The following MATN2 variants were observed in gnomAD, a reference collection of about 807,000 sequenced individuals.
The protein encoded by MATN2 is matrilin-2.
A neutral mutation model predicts 103.2 loss-of-function variants in MATN2; 69 were observed. The observed-to-expected ratio is 0.67, with a 90% CI of 0.55 to 0.82. The LOEUF (loss-of-function observed/expected upper bound fraction) is 0.82. Ranked by LOEUF, MATN2 falls within the 40% of genes least tolerant of loss-of-function variation. The pLI is 0.00. For synonymous variants in MATN2, 429 were observed against 450.2 expected (o/e 0.95, Z 0.60); for missense variants, 1,023 against 1,211.5 (o/e 0.84, Z 2.31).
At chr8:98,016,425 A>T in intron 10 of MATN2, 115 bp from the exon 11 acceptor site, 1 of 902,720 alleles carries the variant, frequency 1.1e-6, no homozygotes, top group Non-Finnish European at 1.7e-6. Context: ...TGTGTACTGT[A>T]GGATAAGGCA....
rs180672805 is a variant in MATN2, at chr8:97,991,896, T to G, written c.1082-2584T>G. On this transcript the variant is annotated intron_variant, in intron 6 of 18. Transcript: ENST00000254898. ...AATTGTTATTTCATTTTAATCAATT[T>G]TAATTTAAATAGACATATTAGGCAG... 3.1e-3 allele frequency among the ~76,000 whole-genome samples: 469 copies of G among 152,232 alleles called. 4 individuals are homozygous for G. Among genetic ancestry groups the G allele is most frequent in the African/African-American group, 0.01 (418 of 41,532 alleles).
chr8:98,016,699 C>A, intron 11 of MATN2, 37 bp downstream of exon 11: 1 of 1,601,048 alleles, frequency 6.2e-7, no homozygotes, highest in African/African-American at 1.3e-5. Context: ...ACTACTATGC[C>A]AGACCACTGT....
intron 6 of MATN2, among the ~76,000 whole-genome samples, chr8:97,994,278 G>C (rs955033230): frequency 5.0e-5 from 5 of 100,610 alleles, no homozygotes; most frequent in Non-Finnish European, 2.2e-5. Context: ...GGAGAAGAAG[G>C]AAAGAAGGAG....
At chr8:97,954,595 G>T (rs1811082338) in intron 4 of MATN2, among the ~76,000 whole-genome samples, 1 of 152,208 alleles carries the variant, frequency 6.6e-6, no homozygotes, top group African/African-American at 2.4e-5. Context: ...AGTACGAGCT[G>T]CCTCTAGCAC....
At chr8:98,016,424 T>G (rs977788592) in intron 10 of MATN2, 116 bp from the exon 11 acceptor site, 2 of 900,124 alleles carry the variant, frequency 2.2e-6, no homozygotes, top group South Asian at 3.3e-5. Context: ...ATGTGTACTG[T>G]AGGATAAGGC....
intron 2 of MATN2, among the ~76,000 whole-genome samples, chr8:97,907,617 CAGCCCAT>C (rs1376866282): frequency 2.6e-5 from 4 of 152,070 alleles, no homozygotes; most frequent in Non-Finnish European, 4.4e-5. Flanking sequence ...CCATGGTGCC[CAGCCCAT>C]AGCTGACTTT....
At chr8:97,995,524 A>G (rs995166753) in intron 7 of MATN2, among the ~76,000 whole-genome samples, 3 of 152,174 alleles carry the variant, frequency 2.0e-5, no homozygotes, top group Admixed American at 2.0e-4. Flanking sequence ...TGACAATGTC[A>G]TTCGTAGAAC....
At chr8:97,959,457 AT>A (rs1020895933) in intron 4 of MATN2, among the ~76,000 whole-genome samples, 1 of 152,158 alleles carries the variant, frequency 6.6e-6, no homozygotes, top group Non-Finnish European at 1.5e-5. Context: ...ACTCACTACG[AT>A]TTTTGTATTA....
chr8:97,915,586 C>T (rs56308168), intron 2 of MATN2, among the ~76,000 whole-genome samples: 8,895 of 152,286 alleles, frequency 0.058, 286 homozygotes, highest in South Asian at 0.073. Context: ...GGCCCTGAGG[C>T]GCTGTGTTTT....
At chr8:97,978,447 T>A (rs148268666) in intron 5 of MATN2, among the ~76,000 whole-genome samples, 1 of 152,338 alleles carries the variant, frequency 6.6e-6, no homozygotes, top group Non-Finnish European at 1.5e-5. Flanking sequence ...TTTTCCTGGC[T>A]ATTTCTTTGG....
At chr8:98,027,029 A>C (rs1813832949) in intron 13 of MATN2, among the ~76,000 whole-genome samples, 1 of 152,144 alleles carries the variant, frequency 6.6e-6, no homozygotes, top group East Asian at 1.9e-4. Context: ...TCAGAATGCC[A>C]GCACTAGGGT....
At chr8:97,890,689 C>A (rs1818599499) in intron 2 of MATN2, among the ~76,000 whole-genome samples, 2 of 152,086 alleles carry the variant, frequency 1.3e-5, no homozygotes, top group Non-Finnish European at 2.9e-5. Flanking sequence ...ATGTTTGCTT[C>A]TCTTGGCTCT....
Position 98,007,661 on chromosome 8 carries a change from G to A in MATN2, c.1573+60G>A. On this transcript the variant is annotated intron_variant, in intron 10 of 18. Transcript: ENST00000254898. This position sits in a 1 kb window ranked among gnomAD's most constrained non-coding sequence, Gnocchi z 4.2. ...GTGTTCCGTGGGTGCCGGTGTGGGT[G>A]CGCTGCCGACGTGTATATGTGCCTG... 1 of 1,566,796 alleles carries A rather than the reference G, an allele frequency of 6.4e-7. No individual in the cohort carries two copies. Among genetic ancestry groups the A allele is most frequent in the East Asian group, 2.3e-5 (1 of 44,058 alleles).
At chr8:97,998,367 A>T (rs1223082806) in intron 7 of MATN2, among the ~76,000 whole-genome samples, 2 of 150,852 alleles carry the variant, frequency 1.3e-5, no homozygotes, top group South Asian at 2.1e-4. Flanking sequence ...AAAAAATATT[A>T]AAAAATTAGC....
At chr8:97,997,996 T>C (rs548419536) in intron 7 of MATN2, among the ~76,000 whole-genome samples, 1 of 151,462 alleles carries the variant, frequency 6.6e-6, no homozygotes, top group South Asian at 2.1e-4. Context: ...GTTTTTGTAT[T>C]TTTAGTAGAG....
intron 3 of MATN2, among the ~76,000 whole-genome samples, chr8:97,939,044 A>ATT (rs879384532): frequency 7.0e-6 from 1 of 143,046 alleles, no homozygotes; most frequent in African/African-American, 2.6e-5. Context: ...TACTTTTTGT[A>ATT]TTTTTTTTTT....
At chr8:97,927,263 C>A (rs373395715) in intron 2 of MATN2, among the ~76,000 whole-genome samples, 2 of 152,222 alleles carry the variant, frequency 1.3e-5, no homozygotes, top group African/African-American at 4.8e-5. Flanking sequence ...CCTGCCTCAG[C>A]CTCCTGAATA....
chr8:97,994,604 T>C lies in MATN2; in HGVS notation c.1204+2T>C. On this transcript the variant is annotated splice_donor_variant, in intron 7 of 18. Coordinates refer to ENST00000254898, the MANE Select transcript of MATN2 (RefSeq NM_002380.5). LOFTEE classifies it high-confidence loss of function. ...ATCCAGATAAGAAAACCTGCAGAAG[T>C]AAGTTACAGTGGGAGTTGGAGAAGG... The C allele has an allele frequency of 6.2e-7, 1 of 1,609,936 alleles. No homozygotes were observed. Among genetic ancestry groups the C allele is most frequent in the Non-Finnish European group, 8.5e-7 (1 of 1,178,872 alleles).
rs150398082 is a variant in MATN2 at position 97,876,593 on chromosome 8, G to A, written c.-27+7306G>A. Reference sequence around the variant, plus strand: ...CTCGGCTCAGCCTCCCAAAGTGCTAGCATTACAGGCTTAAGCCACTGCGCC... The same window carrying A: ...CTCGGCTCAGCCTCCCAAAGTGCTAACATTACAGGCTTAAGCCACTGCGCC... On this transcript the variant is annotated intron_variant, in intron 1 of 18. Coordinates refer to ENST00000254898, the MANE Select transcript of MATN2 (RefSeq NM_002380.5). Among the ~76,000 whole-genome samples the A allele has an allele frequency of 7.3e-3, 1,119 of 152,258 alleles. 14 individuals are homozygous for A. Among genetic ancestry groups the A allele is most frequent in the African/African-American group, 0.026 (1,071 of 41,540 alleles).
Sources: allele counts gnomAD v4.1 joint callset (sites outside exome capture counted in the v4.1 genomes callset), GRCh38; gene constraint gnomAD v4.1.1; non-coding constraint Gnocchi (gnomAD v3.1); transcripts MANE v1.5; gene names NCBI Gene and HGNC (gene_info 2026-07-23, HGNC 2026-07-21).